The following PIWIL4 variants were observed in gnomAD, a reference collection of about 807,000 sequenced individuals.
PIWIL4 encodes piwi like RNA-mediated gene silencing 4.
Under a neutral mutation model 100.9 loss-of-function variants are expected in PIWIL4, and 50 were observed. The ratio of observed to expected loss-of-function variants is 0.50; its 90% CI spans 0.39 to 0.63. The LOEUF (loss-of-function observed/expected upper bound fraction) is 0.63, where lower values mean the gene tolerates loss of function less well. Ranked by LOEUF, PIWIL4 falls within the 20% of genes least tolerant of loss-of-function variation. The pLI, the probability that PIWIL4 is intolerant of heterozygous loss-of-function variation, is 0.00. For synonymous variants in PIWIL4, 342 were observed against 367.5 expected, an observed-to-expected ratio of 0.93 and a Z score of 0.79; for missense variants, 887 against 1,043.3, an observed-to-expected ratio of 0.85 and a Z score of 2.06.
Position 94,607,610 on chromosome 11 carries a change from G to A in PIWIL4, c.1810G>A (p.Gly604Arg), listed in dbSNP as rs371297833. 3.5e-5 allele frequency: 56 copies of A among 1,613,906 alleles called. No individual in the cohort carries two copies. The highest frequency in any genetic ancestry group is 6.7e-5 in the African/African-American group (5 of 74,872). ...KIAMQMTCKL[G>R]GELWAVEIPL... ...CGCTATGCAGATGACTTGCAAGCTC[G>A]GAGGCGAGCTGTGGGCTGTGGAAAT... The change falls in exon 14 of 20, where the codon GGA (glycine) becomes AGA (arginine). Residue 604 changes from glycine (G) to arginine (R), a missense_variant. Gly to Arg is a moderately radical substitution (Grantham distance 125). This residue lies in a region of PIWIL4 where 741 missense variants were observed against 930.0 expected (regional missense o/e 0.80). Transcript: ENST00000299001.
At chr11:94,568,975 G>A (rs563001433) in intron 2 of PIWIL4, among the ~76,000 whole-genome samples, 167 bp downstream of exon 2, 5 of 152,282 alleles carry the variant, frequency 3.3e-5, no homozygotes, top group Admixed American at 1.3e-4. Context: ...ATAGAAGCAC[G>A]TGCTGAATTT....
chr11:94,589,365 C>T (rs933806754), intron 8 of PIWIL4, 133 bp downstream of exon 8: 1 of 684,498 alleles, frequency 1.5e-6, no homozygotes, highest in African/African-American at 1.8e-5. Context: ...TTGTCTCTCT[C>T]CTTCATCCCC....
chr11:94,578,367 C>T (rs190725795), intron 4 of PIWIL4, among the ~76,000 whole-genome samples: 1 of 152,244 alleles, frequency 6.6e-6, no homozygotes, highest in Admixed American at 6.5e-5. Context: ...ATTTTTTAGT[C>T]AGAATTGTAT....
At chr11:94,585,850 T>C (rs11020844) in intron 6 of PIWIL4, among the ~76,000 whole-genome samples, 5,559 of 152,098 alleles carry the variant, frequency 0.037, 152 homozygotes, top group Middle Eastern at 0.075. Context: ...ACAGCCAGAG[T>C]GGTTGACATG....
chr11:94,585,396 A>C (rs761442416), intron 5 of PIWIL4, 49 bp from the exon 6 acceptor site: 48 of 1,306,826 alleles, frequency 3.7e-5, no homozygotes, highest in Non-Finnish European at 4.9e-5. Context: ...TTAGAATTAC[A>C]CTGTTACTGA....
intron 16 of PIWIL4, 92 bp downstream of exon 16, chr11:94,616,655 C>A: frequency 1.0e-6 from 1 of 999,582 alleles, no homozygotes; most frequent in Non-Finnish European, 1.5e-6. Flanking sequence ...TAGGTCAGAG[C>A]AAACTCTCTA....
chr11:94,604,743 T>A (rs932736037), intron 13 of PIWIL4, among the ~76,000 whole-genome samples: 2 of 152,238 alleles, frequency 1.3e-5, no homozygotes, highest in South Asian at 4.1e-4. Flanking sequence ...GCTTTTCCTG[T>A]CCATTCCATC....
intron 4 of PIWIL4, among the ~76,000 whole-genome samples, chr11:94,579,822 C>T (rs1164646193): frequency 6.6e-6 from 1 of 152,152 alleles, no homozygotes; most frequent in Non-Finnish European, 1.5e-5. Flanking sequence ...GTTGATAGCA[C>T]GCTAATATGG....
intron 3 of PIWIL4, among the ~76,000 whole-genome samples, chr11:94,575,369 A>C (rs1211088578): frequency 6.6e-6 from 1 of 152,190 alleles, no homozygotes; most frequent in African/African-American, 2.4e-5. Flanking sequence ...TTTTCTTCAT[A>C]TACTGGGGTG....
intron 11 of PIWIL4, among the ~76,000 whole-genome samples, chr11:94,598,166 C>CT (rs1948582063): frequency 6.6e-6 from 1 of 152,248 alleles, no homozygotes; most frequent in East Asian, 1.9e-4. Flanking sequence ...GCAATTAAAA[C>CT]ATACCTATCT....
intron 11 of PIWIL4, among the ~76,000 whole-genome samples, chr11:94,598,712 T>C (rs1948594244): frequency 6.7e-6 from 1 of 148,158 alleles, no homozygotes; most frequent in African/African-American, 2.5e-5. Context: ...CATCTTTTTT[T>C]TTTTTTTTTT....
intron 12 of PIWIL4, among the ~76,000 whole-genome samples, chr11:94,602,679 G>A (rs1181185184): frequency 6.6e-6 from 1 of 152,154 alleles, no homozygotes; most frequent in African/African-American, 2.4e-5. Flanking sequence ...TACTGAAACT[G>A]ATATGCTTAG....
chr11:94,596,183 G>A (rs1280206192), intron 10 of PIWIL4, among the ~76,000 whole-genome samples: 2 of 150,900 alleles, frequency 1.3e-5, no homozygotes, highest in Non-Finnish European at 2.9e-5. Context: ...CATTTTTACT[G>A]GAAAATTTAT....
At chr11:94,589,717 G>A (rs368658778) in intron 8 of PIWIL4, among the ~76,000 whole-genome samples, 27 of 152,060 alleles carry the variant, frequency 1.8e-4, no homozygotes, top group African/African-American at 5.3e-4. Flanking sequence ...ACAGCCAGAC[G>A]AACACTAGAC....
chr11:94,567,382 G>T lies in PIWIL4; in HGVS notation c.-137G>T, dbSNP rs1292655078. The T allele has an allele frequency of 6.7e-6, 5 of 745,562 alleles. No homozygotes were observed. The highest frequency in any genetic ancestry group is 1.0e-5 in the Non-Finnish European group (5 of 493,786). 46.2% of individuals were successfully genotyped at this position (745,562 alleles called of 1,614,324 possible). ...GGGCCTCGGACGCATTTCCAGCCCC[G>T]GCGTTGGTTGTGGATGCTGGACATC... is the stretch of plus-strand genomic sequence containing the variant. On this transcript the variant is annotated 5_prime_UTR_variant, in exon 1 of 20. Coordinates refer to ENST00000299001, the MANE Select transcript of PIWIL4 (RefSeq NM_152431.3).
At chr11:94,607,267 C>T (rs770912611) in intron 13 of PIWIL4, among the ~76,000 whole-genome samples, 172 bp from the exon 14 acceptor site, 158 of 152,266 alleles carry the variant, frequency 1.0e-3, no homozygotes, top group Admixed American at 2.3e-3. Flanking sequence ...TTGATTAATT[C>T]ACCAGTGTTT....
At position 94,578,875 on chromosome 11, in the gene PIWIL4, A is replaced by G. The variant is rs1398081488; in HGVS notation, c.513+1383A>G. 2.6e-5 allele frequency among the ~76,000 whole-genome samples: 4 copies of G among 152,280 alleles called. 1 individual carries two copies. The Middle Eastern group carries it at 0.01, about 388-fold the overall frequency. Reference sequence around the variant, plus strand: ...ACTTATATATTTAAGAGATTAGTTGATTTTCATGACAGTTGGAATGAGTGA... The same window carrying G: ...ACTTATATATTTAAGAGATTAGTTGGTTTTCATGACAGTTGGAATGAGTGA... On this transcript the variant is annotated intron_variant, in intron 4 of 19. Transcript: ENST00000299001.
chr11:94,574,304 T>C (rs1280829166), intron 2 of PIWIL4, among the ~76,000 whole-genome samples: 1 of 152,214 alleles, frequency 6.6e-6, no homozygotes, highest in Non-Finnish European at 1.5e-5. Flanking sequence ...TTGGGAAATG[T>C]CAGATTCATC....
rs566786043 is a variant in PIWIL4, at chr11:94,601,971, C to T, written c.1557C>T (p.Tyr519=). 5.0e-6 allele frequency: 8 copies of T among 1,602,970 alleles called. No individual in the cohort carries two copies. The highest frequency in any genetic ancestry group is 2.3e-5 in the South Asian group (2 of 88,734). Residue 519 remains tyrosine, a synonymous_variant, in exon 12 of 20, where the codon TAC becomes TAT. Transcript: ENST00000299001. ...GTTCCATGGGATTTAATGTGGACTA[C>T]CCCAAAATGTGAGAATACATTGAAT... The part of the protein sequence containing the change: ...VAGSMGFNVD[Y]PKIIKVQENP...
Sources: gnomAD v4.1 joint callset for allele counts (sites outside exome capture counted in the v4.1 genomes callset) on GRCh38, gnomAD v4.1.1 for gene constraint, gnomAD v4.1.1 regional missense constraint, MANE v1.5 for transcripts, NCBI Gene and HGNC (gene_info 2026-07-23, HGNC 2026-07-21) for gene names.